The following RNF220 variants were observed in gnomAD, a reference collection of about 807,000 sequenced individuals.
RNF220 encodes the protein ring finger protein 220, also known as E3 ubiquitin-protein ligase RNF220.
Under a neutral mutation model 67.1 loss-of-function variants are expected in RNF220, and 7 were observed. The ratio of observed to expected loss-of-function variants is 0.10; its 90% CI spans 0.06 to 0.20. The LOEUF (loss-of-function observed/expected upper bound fraction) is 0.20, where lower values mean the gene tolerates loss of function less well. Ranked by LOEUF, RNF220 falls within the 10% of genes least tolerant of loss-of-function variation. The pLI, the probability that RNF220 is intolerant of heterozygous loss-of-function variation, is 1.00. For missense variants in RNF220, 565 were observed against 740.3 expected, an observed-to-expected ratio of 0.76 and a Z score of 2.75; for synonymous variants, 270 against 283.2, an observed-to-expected ratio of 0.95 and a Z score of 0.47.
In RNF220 at chr1:44,634,125, C is replaced by T. The variant is rs117658414; in HGVS notation, c.950-1420C>T. Among the ~76,000 whole-genome samples the T allele has an allele frequency of 1.6e-4, 25 of 152,326 alleles. No individual in the cohort carries two copies. The East Asian group carries it at 4.4e-3, about 27-fold the overall frequency. On this transcript the variant is annotated intron_variant, in intron 6 of 14. Transcript: ENST00000361799. ...TTGCTCTGTTTTGGAGTTGGAGTAGCTCCCTGCCTCAGGCTCACAACAGGC... is the reference window on the plus strand; with the variant it reads ...TTGCTCTGTTTTGGAGTTGGAGTAGTTCCCTGCCTCAGGCTCACAACAGGC...
At chr1:44,637,222 C>T (rs898393115) in intron 8 of RNF220, among the ~76,000 whole-genome samples, 8 of 152,216 alleles carry the variant, frequency 5.3e-5, no homozygotes, top group Non-Finnish European at 7.3e-5. Context: ...ACTGGTTCCA[C>T]GAAGGGGCTA....
intron 2 of RNF220, among the ~76,000 whole-genome samples, chr1:44,495,608 G>A (rs1265997828): frequency 6.6e-6 from 1 of 152,180 alleles, no homozygotes; most frequent in Non-Finnish European, 1.5e-5. Flanking sequence ...GCTAATTTTT[G>A]TATTTTTAAT....
At position 44,461,924 on chromosome 1, in the gene RNF220, GTTTTTTT is replaced by G. The variant is rs201661366; in HGVS notation, c.625+49217_625+49223del. 6.5e-5 allele frequency among the ~76,000 whole-genome samples: 8 copies of G among 123,558 alleles called. No homozygotes were observed. The South Asian group carries it at 8.0e-4, about 12-fold the overall frequency. 81.1% of individuals were successfully genotyped at this position (123,558 alleles called of 152,430 possible). A position where few individuals can be genotyped will look rare whatever the true frequency, so the allele number is the denominator to read the frequency against. Reference sequence around the variant, plus strand: ...TATTTTTTTCTTTTCTTTTTTCTTTGTTTTTTTTTTTTTTTTTTTTTGAGCCAGAGTC... The same window carrying G: ...TATTTTTTTCTTTTCTTTTTTCTTTGTTTTTTTTTTTTTTGAGCCAGAGTC... On this transcript the variant is annotated intron_variant, in intron 2 of 14. Coordinates refer to ENST00000361799, the MANE Select transcript of RNF220 (RefSeq NM_018150.4).
chr1:44,489,626 G>A (rs1468627819), intron 2 of RNF220, among the ~76,000 whole-genome samples: 5 of 152,196 alleles, frequency 3.3e-5, no homozygotes. Flanking sequence ...TTTTCAGCAC[G>A]AAAAAGCAAA....
chr1:44,595,913 G>A (rs939683595), intron 2 of RNF220, among the ~76,000 whole-genome samples: 1 of 152,040 alleles, frequency 6.6e-6, no homozygotes, highest in Non-Finnish European at 1.5e-5. Flanking sequence ...ACAGGCGCCC[G>A]CCACCACGCC....
intron 2 of RNF220, among the ~76,000 whole-genome samples, chr1:44,489,896 A>G (rs749293636): frequency 3.3e-5 from 5 of 152,118 alleles, no homozygotes; most frequent in Non-Finnish European, 5.9e-5. Flanking sequence ...AGCTGTTTCT[A>G]CCACCTGGGA....
At chr1:44,496,126 G>C (rs1657327117) in intron 2 of RNF220, among the ~76,000 whole-genome samples, 1 of 152,170 alleles carries the variant, frequency 6.6e-6, no homozygotes, top group Admixed American at 6.5e-5. Context: ...GGAGAATAAA[G>C]AGTAGCTGAG....
Position 44,478,981 on chromosome 1 carries a change from G to A in RNF220, c.625+66259G>A, listed in dbSNP as rs542326496. Among the ~76,000 whole-genome samples the A allele has an allele frequency of 7.4e-4, 113 of 152,238 alleles. 3 individuals are homozygous for A. The South Asian group carries it at 0.021, about 29-fold the overall frequency. On this transcript the variant is annotated intron_variant, in intron 2 of 14. Transcript: ENST00000361799. ...GATATTAAATAATTTTTGTGGGTGA[G>A]CAGCTTTTTTCAGCCTACTGCCTAC...
chr1:44,440,528 G>T (rs1417370), intron 2 of RNF220, among the ~76,000 whole-genome samples: 1 of 152,016 alleles, frequency 6.6e-6, no homozygotes, highest in African/African-American at 2.4e-5. Context: ...AGCCCTGCAG[G>T]TAGACATTGT....
chr1:44,447,777 G>A (rs137892518), intron 2 of RNF220, among the ~76,000 whole-genome samples: 1 of 152,146 alleles, frequency 6.6e-6, no homozygotes, highest in Non-Finnish European at 1.5e-5. Context: ...ACTCTGCTGG[G>A]ACGTGAATAA....
chr1:44,406,981 C>A (rs932611402), intron 1 of RNF220, among the ~76,000 whole-genome samples: 1 of 152,202 alleles, frequency 6.6e-6, no homozygotes, highest in African/African-American at 2.4e-5. Context: ...AGGGGGAAAG[C>A]TCTCGCTTCC....
At chr1:44,626,432 A>G (rs937712347) in intron 5 of RNF220, 34 bp downstream of exon 5, 6 of 1,547,976 alleles carry the variant, frequency 3.9e-6, no homozygotes, top group Non-Finnish European at 4.5e-6. Context: ...ATGAGAAGCA[A>G]GCTCACCTGG....
intron 2 of RNF220, among the ~76,000 whole-genome samples, chr1:44,540,274 A>G (rs1417331391): frequency 6.6e-6 from 1 of 152,172 alleles, no homozygotes; most frequent in Non-Finnish European, 1.5e-5. Flanking sequence ...CTGCTGCCCA[A>G]AGGAGAAGAT....
chr1:44,616,392 A>G (rs955127299), intron 3 of RNF220, among the ~76,000 whole-genome samples: 5 of 152,206 alleles, frequency 3.3e-5, no homozygotes, highest in South Asian at 2.1e-4. Context: ...AGTACTTTAC[A>G]TTGCATTAAT....
intron 2 of RNF220, among the ~76,000 whole-genome samples, chr1:44,511,864 G>GA (rs1389690327): frequency 2.0e-5 from 3 of 151,888 alleles, no homozygotes; most frequent in East Asian, 1.9e-4. Flanking sequence ...ATGAAAGGGG[G>GA]AAAAAATCTG....
intron 2 of RNF220, among the ~76,000 whole-genome samples, chr1:44,452,838 T>G (rs1652828459): frequency 6.6e-6 from 1 of 152,198 alleles, no homozygotes; most frequent in Non-Finnish European, 1.5e-5. Flanking sequence ...TTTTCTTGAC[T>G]GCTTTTATAC....
chr1:44,434,855 T>TAA (rs77667821), intron 2 of RNF220, among the ~76,000 whole-genome samples: 2 of 139,396 alleles, frequency 1.4e-5, no homozygotes, highest in African/African-American at 2.6e-5. Flanking sequence ...ACTCCATTTC[T>TAA]AAAAAAAAAA....
chr1:44,645,749 C>T lies in RNF220; in HGVS notation c.1445+261C>T, dbSNP rs368326627. On this transcript the variant is annotated intron_variant, in intron 12 of 14. Coordinates refer to ENST00000361799, the MANE Select transcript of RNF220 (RefSeq NM_018150.4). The surrounding 1 kb of genome is among the most constrained non-coding windows in gnomAD (Gnocchi z 5.0). The stretch of plus-strand genomic sequence containing the variant: ...TGCCTGCCTGCCTGCCCGCCTGCTG[C>T]GGCGGCCTTCGCCCGGGGAATGTGA... Among the ~76,000 whole-genome samples, 5 of 152,262 alleles carry T rather than the reference C, an allele frequency of 3.3e-5. No homozygotes were observed. The highest frequency in any genetic ancestry group is 5.9e-5 in the Non-Finnish European group (4 of 68,054).
chr1:44,645,546 T>C lies in RNF220; in HGVS notation c.1445+58T>C, dbSNP rs1004163676. 1 of 1,557,810 alleles carries C rather than the reference T, an allele frequency of 6.4e-7. No individual in the cohort carries two copies. The highest frequency in any genetic ancestry group is 8.8e-7 in the Non-Finnish European group (1 of 1,135,772). ...CACAGTTCAGTGGGAGGAGGGGCCC[T>C]TTGCTAGCAGGAAGGCCTGCTGCCA... is the stretch of plus-strand genomic sequence containing the variant. On this transcript the variant is annotated intron_variant, in intron 12 of 14. Transcript: ENST00000361799. The surrounding 1 kb of genome is among the most constrained non-coding windows in gnomAD (Gnocchi z 5.0).
Sources: allele counts gnomAD v4.1 joint callset (sites outside exome capture counted in the v4.1 genomes callset), GRCh38; gene constraint gnomAD v4.1.1; non-coding constraint Gnocchi (gnomAD v3.1); transcripts MANE v1.5; gene names NCBI Gene and HGNC (gene_info 2026-07-23, HGNC 2026-07-21).